The following KLHL1 variants were observed in gnomAD, a reference collection of about 807,000 sequenced individuals.
KLHL1 encodes the protein kelch-like protein 1.
A neutral mutation model predicts 77.7 loss-of-function variants in KLHL1; 47 were observed. The observed-to-expected ratio is 0.60, with a 90% CI of 0.48 to 0.77. KLHL1 has a LOEUF of 0.77. Ranked by LOEUF, KLHL1 falls within the 30% of genes least tolerant of loss-of-function variation. KLHL1 has a pLI of 0.00. For synonymous variants in KLHL1, 360 were observed against 325.2 expected, an observed-to-expected ratio of 1.11 and a Z score of -1.15; for missense variants, 925 against 910.8, an observed-to-expected ratio of 1.02 and a Z score of -0.20.
chr13:69,902,055 C>T (rs2138228273), intron 4 of KLHL1, among the ~76,000 whole-genome samples: 1 of 152,258 alleles, frequency 6.6e-6, no homozygotes, highest in South Asian at 2.1e-4. Context: ...CCACCTCAGC[C>T]TCCCAGAGTG....
chr13:70,107,569 C>A lies in KLHL1; in HGVS notation c.131G>T (p.Gly44Val). 2.5e-6 allele frequency: 4 copies of A among 1,605,712 alleles called. No homozygotes were observed. The highest frequency in any genetic ancestry group is 3.4e-6 in the Non-Finnish European group (4 of 1,175,584). The change falls in exon 1 of 11, where the codon GGC (glycine) becomes GTC (valine). Residue 44 changes from glycine (G) to valine (V), a missense_variant. By Grantham distance (109) the Gly-to-Val change is moderately radical. Transcript: ENST00000377844. The part of the protein sequence containing the change: ...GGGCLQQDGS[G>V]SFEHWGPSQS... ...GCTGGGTCCCCAGTGCTCAAAGCTG[C>A]CACTGCCGTCCTGTTGCAGGCAGCC... is the stretch of plus-strand genomic sequence containing the variant.
intron 1 of KLHL1, among the ~76,000 whole-genome samples, chr13:70,106,049 T>C (rs1342410510): frequency 2.0e-5 from 3 of 151,142 alleles, no homozygotes; most frequent in African/African-American, 7.3e-5. Flanking sequence ...ACCACATATG[T>C]CAGCATAATT....
intron 6 of KLHL1, among the ~76,000 whole-genome samples, chr13:69,828,742 G>T (rs1348555288): frequency 1.3e-5 from 2 of 150,186 alleles, no homozygotes; most frequent in African/African-American, 5.0e-5. Flanking sequence ...GGCTGGCCTT[G>T]CTGGCTGTGT....
intron 1 of KLHL1, among the ~76,000 whole-genome samples, chr13:69,985,775 C>CAT (rs59958813): frequency 0.031 from 4,410 of 140,494 alleles, 112 homozygotes; most frequent in Middle Eastern, 0.084. Flanking sequence ...AAATGTGATC[C>CAT]ATATATATAT....
chr13:69,975,100 A>G (rs7331755), intron 2 of KLHL1, among the ~76,000 whole-genome samples: 90,063 of 151,316 alleles, frequency 0.6, 27,059 homozygotes, highest in South Asian at 0.64. Flanking sequence ...TTAGCTTTCA[A>G]ATGAATTATG....
At chr13:69,945,811 C>G (rs1883507161) in intron 3 of KLHL1, among the ~76,000 whole-genome samples, 1 of 152,120 alleles carries the variant, frequency 6.6e-6, no homozygotes, top group South Asian at 2.1e-4. Context: ...TTCAGCCATT[C>G]TGCTCCTAGA....
rs577912214 is a variant in KLHL1, at chr13:69,772,913, G to GT, written c.1639+23824dup. Among the ~76,000 whole-genome samples the GT allele has an allele frequency of 3.6e-4, 55 of 151,944 alleles. No individual in the cohort carries two copies. The South Asian group carries it at 9.1e-3, about 25-fold the overall frequency. Reference sequence around the variant, plus strand: ...TAGAGTGTTTGATTCAAGAGATAGAGTTTTTTTTAACAACGTTGATCCAAA... The same window carrying GT: ...TAGAGTGTTTGATTCAAGAGATAGAGTTTTTTTTTAACAACGTTGATCCAAA... On this transcript the variant is annotated intron_variant, in intron 7 of 10. Transcript: ENST00000377844.
chr13:69,862,826 C>T (rs12867534), intron 5 of KLHL1, among the ~76,000 whole-genome samples: 48,294 of 151,726 alleles, frequency 0.32, 8,194 homozygotes, highest in African/African-American at 0.44. Context: ...AGGAAGAAAG[C>T]CCTCACCAGC....
In KLHL1 at chr13:69,775,346, G is replaced by A. The variant is rs1482827031; in HGVS notation, c.1639+21392C>T. 4.6e-5 allele frequency among the ~76,000 whole-genome samples: 7 copies of A among 151,990 alleles called. No homozygotes were observed. In the East Asian group the frequency reaches 1.2e-3, roughly 25 times the overall value. On this transcript the variant is annotated intron_variant, in intron 7 of 10. Transcript: ENST00000377844. Reference sequence around the variant, plus strand: ...TTTGAATAAAAAATTTATATGTCTTGTAAAAACAAGCATCTATTAATATAA... The same window carrying A: ...TTTGAATAAAAAATTTATATGTCTTATAAAAACAAGCATCTATTAATATAA...
At chr13:69,836,593 G>A (rs539380575) in intron 6 of KLHL1, among the ~76,000 whole-genome samples, 1 of 152,088 alleles carries the variant, frequency 6.6e-6, no homozygotes, top group African/African-American at 2.4e-5. Flanking sequence ...TTGTTTGGAA[G>A]AAGGCAATTT....
At chr13:69,964,630 A>G (rs1468518332) in intron 2 of KLHL1, among the ~76,000 whole-genome samples, 2 of 152,126 alleles carry the variant, frequency 1.3e-5, no homozygotes, top group Non-Finnish European at 2.9e-5. Flanking sequence ...ATGGTTCAAC[A>G]ACTGAGAATG....
chr13:69,982,472 ATAAT>A lies in KLHL1; in HGVS notation c.498-6674_498-6671del, dbSNP rs200806388. On this transcript the variant is annotated intron_variant, in intron 1 of 10. Coordinates refer to ENST00000377844, the MANE Select transcript of KLHL1 (RefSeq NM_020866.3). Reference sequence around the variant, plus strand: ...AATAATAATAATAATAATAATAATAATAATAATAAAATAAAAAGCAATAAATCAA... The same window carrying A: ...AATAATAATAATAATAATAATAATAAAATAAAATAAAAAGCAATAAATCAA... Among the ~76,000 whole-genome samples the A allele has an allele frequency of 2.4e-3, 332 of 136,134 alleles. 2 individuals carry two copies. The highest frequency in any genetic ancestry group is 9.3e-3 in the African/African-American group (284 of 30,646). The allele number at this position is 136,134 out of a possible 152,430, so 89.3% of individuals were successfully genotyped here. A position where few individuals can be genotyped will look rare whatever the true frequency, so the allele number is the denominator to read the frequency against.
intron 2 of KLHL1, among the ~76,000 whole-genome samples, chr13:69,963,084 CAG>C (rs1263495752): frequency 6.6e-6 from 1 of 151,870 alleles, no homozygotes; most frequent in African/African-American, 2.4e-5. Context: ...TTTTTAGAGA[CAG>C]TATCTCTTTC....
At chr13:69,770,126 G>C (rs1019308711) in intron 7 of KLHL1, among the ~76,000 whole-genome samples, 2 of 152,136 alleles carry the variant, frequency 1.3e-5, no homozygotes, top group African/African-American at 4.8e-5. Flanking sequence ...ACACCCCCTT[G>C]GGACTCCATG....
At chr13:70,037,108 T>C (rs1231960204) in intron 1 of KLHL1, among the ~76,000 whole-genome samples, 1 of 152,050 alleles carries the variant, frequency 6.6e-6, no homozygotes, top group Non-Finnish European at 1.5e-5. Context: ...ATTGTTGTAA[T>C]GCCAATTTTA....
At chr13:70,101,960 A>G (rs1000107903) in intron 1 of KLHL1, among the ~76,000 whole-genome samples, 19 of 151,966 alleles carry the variant, frequency 1.3e-4, no homozygotes, top group African/African-American at 4.6e-4. Flanking sequence ...CAAAAAAAAA[A>G]AAACAAAGTA....
chr13:69,818,219 C>CTTTTTTTTTTTTTTTTT lies in KLHL1; in HGVS notation c.1414+20740_1414+20756dup, dbSNP rs1316398623. 1.1e-4 allele frequency among the ~76,000 whole-genome samples: 12 copies of CTTTTTTTTTTTTTTTTT among 112,886 alleles called. 1 individual carries two copies. Among genetic ancestry groups the CTTTTTTTTTTTTTTTTT allele is most frequent in the African/African-American group, 3.2e-4 (8 of 25,112 alleles). The allele number at this position is 112,886 out of a possible 152,430, so 74.1% of individuals were successfully genotyped here. Reference sequence around the variant, plus strand: ...AGAATTTAACTTAACTCATAGGCATCTTTTTTTTTTTTTTTTTTTTGAGAC... The same window carrying CTTTTTTTTTTTTTTTTT: ...AGAATTTAACTTAACTCATAGGCATCTTTTTTTTTTTTTTTTTTTTTTTTTTTTTTTTTTTTTGAGAC... On this transcript the variant is annotated intron_variant, in intron 6 of 10. Transcript: ENST00000377844.
chr13:69,750,582 A>G (rs982831685), intron 7 of KLHL1, among the ~76,000 whole-genome samples: 17 of 151,902 alleles, frequency 1.1e-4, no homozygotes, highest in African/African-American at 3.9e-4. Flanking sequence ...TAAGCATATA[A>G]TATACAATAT....
At chr13:69,778,643 G>A (rs1459457051) in intron 7 of KLHL1, among the ~76,000 whole-genome samples, 1 of 151,978 alleles carries the variant, frequency 6.6e-6, no homozygotes. Flanking sequence ...TGAGTAACAG[G>A]TTAGGTAAAA....
Sources: allele counts gnomAD v4.1 joint callset (sites outside exome capture counted in the v4.1 genomes callset), GRCh38; gene constraint gnomAD v4.1.1; transcripts MANE v1.5; gene names NCBI Gene and HGNC (gene_info 2026-07-23, HGNC 2026-07-21).